The following KCNG3 variants were observed in gnomAD, a reference collection of about 807,000 sequenced individuals.
KCNG3 encodes the protein voltage-gated potassium channel regulatory subunit KCNG3.
In KCNG3, 15 loss-of-function variants were observed where a neutral mutation model predicts 29.0. The observed-to-expected ratio is 0.52, with a 90% CI of 0.35 to 0.80. KCNG3 has a LOEUF of 0.80. Among genes scored for constraint, KCNG3 ranks in the 30% least tolerant of loss-of-function variants. The probability of loss-of-function intolerance (pLI) is 0.01; values close to 1 mark genes in which losing one functional copy is unlikely to be tolerated. For missense variants in KCNG3, 512 were observed against 605.7 expected (o/e 0.85, Z 1.62); for synonymous variants, 322 against 248.9 (o/e 1.29, Z -2.76).
At chr2:42,391,030 G>A in the KCNG3 span, among the ~76,000 whole-genome samples, 1 of 152,122 alleles carries the variant, frequency 6.6e-6, no homozygotes, top group Middle Eastern at 3.2e-3. Flanking sequence ...TTCAGCTGGG[G>A]AATCTTCAGG....
At chr2:42,407,873 A>G in the KCNG3 span, among the ~76,000 whole-genome samples, 1 of 152,278 alleles carries the variant, frequency 6.6e-6, no homozygotes, top group South Asian at 2.1e-4. Context: ...GGGCAGCTGC[A>G]GCCACCCAAA....
At chr2:42,425,593 C>T in the KCNG3 span, among the ~76,000 whole-genome samples, 1 of 151,930 alleles carries the variant, frequency 6.6e-6, no homozygotes, top group Non-Finnish European at 1.5e-5. Flanking sequence ...AAACAAACAG[C>T]AGCATTTAGA....
downstream of KCNG3, among the ~76,000 whole-genome samples, chr2:42,441,280 T>C (rs945939545): frequency 2.6e-5 from 4 of 151,940 alleles, no homozygotes; most frequent in South Asian, 8.3e-4. Flanking sequence ...CCTAGCAACT[T>C]GGGAGGCTGG....
intron 1 of KCNG3, chr2:42,470,141 G>T: frequency 2.3e-6 from 1 of 431,786 alleles, no homozygotes; most frequent in South Asian, 3.1e-5. Flanking sequence ...GGATAAGGAT[G>T]CTAAATTCTG....
the KCNG3 span, among the ~76,000 whole-genome samples, chr2:42,434,390 T>C: frequency 7.9e-6 from 1 of 126,600 alleles, no homozygotes; most frequent in East Asian, 2.3e-4. Flanking sequence ...CAGGAGGAGG[T>C]TGAGGTTGCA....
At chr2:42,420,662 G>A in the KCNG3 span, among the ~76,000 whole-genome samples, 2 of 152,056 alleles carry the variant, frequency 1.3e-5, no homozygotes, top group African/African-American at 4.8e-5. Flanking sequence ...GGTGGCACAT[G>A]CCTGTAATCC....
At chr2:42,406,653 C>T in the KCNG3 span, among the ~76,000 whole-genome samples, 1 of 150,582 alleles carries the variant, frequency 6.6e-6, no homozygotes, top group African/African-American at 2.4e-5. Context: ...GGTGAAACCC[C>T]ATCTCTACTA....
At chr2:42,438,063 T>C (rs1313328741), downstream of KCNG3, among the ~76,000 whole-genome samples, 2 of 152,150 alleles carry the variant, frequency 1.3e-5, no homozygotes, top group African/African-American at 4.8e-5. Flanking sequence ...TAAAATTATC[T>C]TGCCCTCTAT....
At chr2:42,464,039 C>T in intron 1 of KCNG3, 1 of 210,978 alleles carries the variant, frequency 4.7e-6, no homozygotes, top group Non-Finnish European at 9.8e-6. Flanking sequence ...GTGGTGGTGG[C>T]AGGCTCGGTG....
At chr2:42,399,750 T>C in the KCNG3 span, among the ~76,000 whole-genome samples, 1 of 152,138 alleles carries the variant, frequency 6.6e-6, no homozygotes, top group Non-Finnish European at 1.5e-5. Context: ...CCTCTCAGCT[T>C]AGGTGCACAG....
intron 1 of KCNG3, among the ~76,000 whole-genome samples, chr2:42,478,823 A>G (rs1002367270): frequency 6.6e-6 from 1 of 152,186 alleles, no homozygotes; most frequent in Non-Finnish European, 1.5e-5. Flanking sequence ...TTCCTTTCTT[A>G]AAGTGTGCAT....
intron 1 of KCNG3, among the ~76,000 whole-genome samples, chr2:42,447,080 C>A (rs566507636): frequency 8.1e-6 from 1 of 124,156 alleles, no homozygotes; most frequent in Non-Finnish European, 1.8e-5. Context: ...AGCAAACCTG[C>A]CTCAAAAAAA....
downstream of KCNG3, among the ~76,000 whole-genome samples, chr2:42,439,306 T>C (rs1261157931): frequency 6.6e-6 from 1 of 151,846 alleles, no homozygotes; most frequent in Admixed American, 6.6e-5. Context: ...CTGTCACCCA[T>C]GCTAGAGTAC....
intron 1 of KCNG3, among the ~76,000 whole-genome samples, chr2:42,492,514 A>G (rs1673908694): frequency 6.6e-6 from 1 of 152,256 alleles, no homozygotes; most frequent in African/African-American, 2.4e-5. Flanking sequence ...GTTCAGAAAA[A>G]TGTAATTAGC....
intron 1 of KCNG3, among the ~76,000 whole-genome samples, chr2:42,466,126 C>T (rs1673136058): frequency 6.6e-6 from 1 of 152,174 alleles, no homozygotes; most frequent in South Asian, 2.1e-4. Flanking sequence ...CACAAATAGG[C>T]TAGGCACAAT....
the KCNG3 span, among the ~76,000 whole-genome samples, chr2:42,420,746 T>C: frequency 6.6e-6 from 1 of 151,944 alleles, no homozygotes; most frequent in Non-Finnish European, 1.5e-5. Flanking sequence ...GCCGAGATCA[T>C]GCCATTGCAC....
chr2:42,453,474 C>G (rs745565029), intron 1 of KCNG3, among the ~76,000 whole-genome samples: 4 of 152,160 alleles, frequency 2.6e-5, no homozygotes, highest in Non-Finnish European at 5.9e-5. Flanking sequence ...CGCACCTTTT[C>G]CATATACCTG....
chr2:42,467,804 C>T (rs1198962910), intron 1 of KCNG3, among the ~76,000 whole-genome samples: 1 of 151,864 alleles, frequency 6.6e-6, no homozygotes, highest in African/African-American at 2.4e-5. Flanking sequence ...ACTCTTGTCT[C>T]TACAAAAAAT....
the KCNG3 span, among the ~76,000 whole-genome samples, chr2:42,393,222 G>C: frequency 2.1e-5 from 3 of 145,476 alleles, no homozygotes; most frequent in African/African-American, 7.7e-5. Context: ...GATAAAACAG[G>C]AAAACAAAAA....
Sources: gnomAD v4.1 joint callset for allele counts (sites outside exome capture counted in the v4.1 genomes callset) on GRCh38, gnomAD v4.1.1 for gene constraint, MANE v1.5 for transcripts, NCBI Gene and HGNC (gene_info 2026-07-23, HGNC 2026-07-21) for gene names.